Variants in PSMD13 observed in about 807,000 individuals in gnomAD.
PSMD13 encodes the protein proteasome 26S subunit, non-ATPase 13.
PSMD13 carries 8 observed loss-of-function variants against 57.4 expected under a neutral mutation model. That is an observed-to-expected ratio of 0.14 (90% CI 0.08 to 0.25). The LOEUF is 0.25. Among genes scored for constraint, PSMD13 ranks in the 10% least tolerant of loss-of-function variants. The pLI is 1.00. For synonymous variants in PSMD13, 193 were observed against 168.2 expected (o/e 1.15, Z -1.14); for missense variants, 400 against 461.5 (o/e 0.87, Z 1.22).
In PSMD13 at chr11:251,557, A is replaced by G. The variant is rs776493718; in HGVS notation, c.849A>G (p.Thr283=). 1 of 1,613,500 alleles carries G rather than the reference A, an allele frequency of 6.2e-7. No individual in the cohort carries two copies. The highest frequency in any genetic ancestry group is 1.7e-5 in the Admixed American group (1 of 59,936). The part of the protein sequence containing the change: ...QLLCLMEMTF[T]RPANHRQLTF... ...AAAATTTTTTCCAGATGACTTTCAC[A>G]CGACCTGCCAATCACAGACAACTCA... is the stretch of plus-strand genomic sequence containing the variant. The change falls in exon 11 of 13, where the codon ACA becomes ACG. Residue 283 remains threonine, a synonymous_variant. Transcript: ENST00000532097. The surrounding 1 kb of genome is among the most constrained non-coding windows in gnomAD (Gnocchi z 4.6).
rs757164346 is a variant in PSMD13 at position 244,002 on chromosome 11, A to G, written c.175-39A>G. On this transcript the variant is annotated intron_variant, in intron 2 of 12. Coordinates refer to ENST00000532097, the MANE Select transcript of PSMD13 (RefSeq NM_002817.4). ...TGGGGTCTTCGTTTTGCAGAATAAA[A>G]GACATCCTATAATTTCTCTCCATGT... The G allele has an allele frequency of 1.5e-5, 23 of 1,574,886 alleles. No homozygotes were observed. The East Asian group carries it at 3.1e-4, about 22-fold the overall frequency.
intron 7 of PSMD13, chr11:248,566 G>C: frequency 1.8e-6 from 1 of 570,230 alleles, no homozygotes; most frequent in South Asian, 2.3e-5. Flanking sequence ...AAAAATAAAT[G>C]AATGCTCCTC....
Position 252,468 on chromosome 11 carries a change from T to C in PSMD13, c.1036-37T>C, listed in dbSNP as rs747214306. 1.2e-6 allele frequency: 2 copies of C among 1,603,596 alleles called. No homozygotes were observed. Reference sequence around the variant, plus strand: ...GGCCGCTCGGCCTGTGTCTCCTGCGTGTCTTAACGTCCCTTGTGTCCGGAT... The same window carrying C: ...GGCCGCTCGGCCTGTGTCTCCTGCGCGTCTTAACGTCCCTTGTGTCCGGAT... On this transcript the variant is annotated intron_variant, in intron 12 of 12. Coordinates refer to ENST00000532097, the MANE Select transcript of PSMD13 (RefSeq NM_002817.4). This position sits in a 1 kb window ranked among gnomAD's most constrained non-coding sequence, Gnocchi z 4.1.
At chr11:247,029 C>T (rs10400248) in intron 6 of PSMD13, among the ~76,000 whole-genome samples, 119,482 of 152,062 alleles carry the variant, frequency 0.79, 47,158 homozygotes, top group African/African-American at 0.86. Context: ...CATTTTAACG[C>T]GGTCACATTC....
intron 1 of PSMD13, among the ~76,000 whole-genome samples, chr11:238,670 C>CA (rs1564819638): frequency 2.0e-5 from 3 of 151,872 alleles, no homozygotes; most frequent in Non-Finnish European, 2.9e-5. Flanking sequence ...GACTCTGTCT[C>CA]AAAAAAGAAA....
chr11:245,342 C>G (rs1426102400), intron 6 of PSMD13, among the ~76,000 whole-genome samples: 1 of 152,036 alleles, frequency 6.6e-6, no homozygotes, highest in Non-Finnish European at 1.5e-5. Flanking sequence ...TGCCTGTTGC[C>G]CTTAAACAAA....
At chr11:246,898 T>G (rs1859659231) in intron 6 of PSMD13, among the ~76,000 whole-genome samples, 1 of 152,234 alleles carries the variant, frequency 6.6e-6, no homozygotes, top group East Asian at 1.9e-4. Context: ...TCCTGACTCA[T>G]TTGTAAGTGT....
chr11:240,640 A>G (rs1305827720), intron 2 of PSMD13, among the ~76,000 whole-genome samples: 2 of 152,224 alleles, frequency 1.3e-5, no homozygotes, highest in African/African-American at 2.4e-5. Context: ...TCCAGCTAGC[A>G]TAAGTGTAAA....
chr11:243,114 C>CT (rs1232242000), intron 2 of PSMD13: 159 of 587,690 alleles, frequency 2.7e-4, no homozygotes, highest in Non-Finnish European at 2.8e-4. Context: ...TTTTCTTTCC[C>CT]TTTTTTTACT....
intron 1 of PSMD13, among the ~76,000 whole-genome samples, chr11:237,995 T>C (rs1430130113): frequency 6.6e-6 from 1 of 152,262 alleles, no homozygotes; most frequent in African/African-American, 2.4e-5. Flanking sequence ...CCTTCTGCTA[T>C]TAGCAGTTTT....
chr11:238,938 G>A, intron 1 of PSMD13, 60 bp from the exon 2 acceptor site: 1 of 1,431,244 alleles, frequency 7.0e-7, no homozygotes, highest in Non-Finnish European at 9.9e-7. Context: ...AATCATCAAG[G>A]CTGGAGGTGT....
chr11:252,658 C>A lies in PSMD13; in HGVS notation c.*58C>A. ...CTCACCTGAGAGAGGCGTTTGCAGC[C>A]AATGAAGCTGGCTGCTCAGACGGTC... On this transcript the variant is annotated 3_prime_UTR_variant, in exon 13 of 13. Transcript: ENST00000532097. This position sits in a 1 kb window ranked among gnomAD's most constrained non-coding sequence, Gnocchi z 4.1. 6.6e-7 allele frequency: 1 copy of A among 1,521,144 alleles called. No homozygotes were observed. The highest frequency in any genetic ancestry group is 9.1e-7 in the Non-Finnish European group (1 of 1,098,000). 94.2% of individuals were successfully genotyped at this position (1,521,144 alleles called of 1,614,324 possible). A position where few individuals can be genotyped will look rare whatever the true frequency, so the allele number is the denominator to read the frequency against.
chr11:248,565 T>A (rs549359005), intron 7 of PSMD13: 127 of 570,284 alleles, frequency 2.2e-4, no homozygotes, highest in South Asian at 8.0e-4. Flanking sequence ...AAAAAATAAA[T>A]GAATGCTCCT....
In PSMD13 at chr11:244,045, A is replaced by G; in HGVS notation, c.179A>G (p.Tyr60Cys). The stretch of plus-strand genomic sequence containing the variant: ...CTCCATGTTTTGGTTTCACAGCTTT[A>G]TGAAAACTTTATCAGTGAATTTGAA... ...FAQGDGLIKL[Y>C]ENFISEFEHR... The change falls in exon 3 of 13, where the codon TAT becomes TGT. Residue 60 changes from tyrosine (Y) to cysteine (C), a missense_variant. By Grantham distance (194) the Tyr-to-Cys change is radical. Coordinates refer to ENST00000532097, the MANE Select transcript of PSMD13 (RefSeq NM_002817.4). The G allele has an allele frequency of 6.2e-7, 1 of 1,608,068 alleles. No homozygotes were observed. Among genetic ancestry groups the G allele is most frequent in the Non-Finnish European group, 8.5e-7 (1 of 1,176,898 alleles).
chr11:241,238 A>G (rs1020242103), intron 2 of PSMD13, among the ~76,000 whole-genome samples: 1 of 151,656 alleles, frequency 6.6e-6, no homozygotes, highest in Non-Finnish European at 1.5e-5. Context: ...TCCCCAGTTC[A>G]AGCCATTCTC....
At chr11:247,174 G>A (rs1194515856) in intron 6 of PSMD13, 103 bp from the exon 7 acceptor site, 2 of 1,172,992 alleles carry the variant, frequency 1.7e-6, no homozygotes, top group Non-Finnish European at 1.2e-6. Flanking sequence ...CTTGAGGCCA[G>A]GAGTTCAAGA....
intron 6 of PSMD13, among the ~76,000 whole-genome samples, chr11:246,331 G>A (rs570683008): frequency 1.1e-4 from 17 of 152,110 alleles, no homozygotes; most frequent in African/African-American, 3.9e-4. Flanking sequence ...GTAAAACCCC[G>A]TCTCTACTAA....
At position 249,144 on chromosome 11, in the gene PSMD13, A is replaced by G. The variant is rs944798602; in HGVS notation, c.774+87A>G. 7 of 1,562,498 alleles carry G rather than the reference A, an allele frequency of 4.5e-6. No homozygotes were observed. The African/African-American group carries it at 8.1e-5, about 18-fold the overall frequency. On this transcript the variant is annotated intron_variant, in intron 9 of 12. Transcript: ENST00000532097. ...TGTTCATTGAGCGTCTTCCCTAGGC[A>G]CACAGGAAAGAACAGGGCAAAGAGG...
intron 6 of PSMD13, 68 bp downstream of exon 6, chr11:244,829 C>T (rs1363758525): frequency 2.4e-6 from 3 of 1,271,030 alleles, no homozygotes; most frequent in East Asian, 5.0e-5. Flanking sequence ...AAAAAAATAA[C>T]CTATTTTTCT....
Sources: allele counts gnomAD v4.1 joint callset (sites outside exome capture counted in the v4.1 genomes callset), GRCh38; gene constraint gnomAD v4.1.1; non-coding constraint Gnocchi (gnomAD v3.1); transcripts MANE v1.5; gene names NCBI Gene and HGNC (gene_info 2026-07-23, HGNC 2026-07-21).